The following KIF13A variants were observed in gnomAD, a reference collection of about 807,000 sequenced individuals.
KIF13A encodes the protein kinesin family member 13A, also known as kinesin-like protein KIF13A.
Under a neutral mutation model 212.2 loss-of-function variants are expected in KIF13A, and 79 were observed. The observed-to-expected ratio is 0.37, with a 90% CI of 0.31 to 0.45. KIF13A has a LOEUF of 0.45. Among genes scored for constraint, KIF13A ranks in the 20% least tolerant of loss-of-function variants. The pLI, the probability that KIF13A is intolerant of heterozygous loss-of-function variation, is 1.00. For missense variants in KIF13A, 1,901 were observed against 2,209.0 expected (o/e 0.86, Z 2.79); for synonymous variants, 789 against 808.6 (o/e 0.98, Z 0.41).
In KIF13A at chr6:17,836,976, C is replaced by T. The variant is rs1301169091; in HGVS notation, c.1057G>A (p.Val353Met). Residue 353 changes from valine (V) to methionine (M), a missense_variant, in exon 11 of 39, where the codon GTG (valine) becomes ATG (methionine). This residue lies in a region of KIF13A where 506 missense variants were observed against 637.4 expected (regional missense o/e 0.79). Transcript: ENST00000259711. ...TCCTCATTCACAACAGCATGGTTCA[C>T]AATCCTTTTGGCTCGGTCTGCATAT... ...LRYADRAKRI[V>M]NHAVVNEDPN... 3.7e-6 allele frequency: 6 copies of T among 1,613,948 alleles called. No individual in the cohort carries two copies. The highest frequency in any genetic ancestry group is 5.1e-6 in the Non-Finnish European group (6 of 1,179,882).
At chr6:17,965,338 C>T (rs1779209818) in intron 2 of KIF13A, among the ~76,000 whole-genome samples, 1 of 152,100 alleles carries the variant, frequency 6.6e-6, no homozygotes, top group African/African-American at 2.4e-5. Context: ...TACAAACCAT[C>T]TAGAACTTTA....
At chr6:17,760,991 AG>A, downstream of KIF13A, 1 of 959,818 alleles carries the variant, frequency 1.0e-6, no homozygotes, top group Non-Finnish European at 1.6e-6. Flanking sequence ...CTCTTCCTGA[AG>A]GGACCCACAG....
intron 2 of KIF13A, among the ~76,000 whole-genome samples, chr6:17,929,059 C>CAAAAAAAAAAAAAAAAA (rs375511285): frequency 2.7e-5 from 1 of 36,696 alleles, no homozygotes; most frequent in African/African-American, 7.6e-5. Context: ...AAGAATTTCT[C>CAAAAAAAAAAAAAAAAA]AAAAAAAAAA....
Position 17,825,865 on chromosome 6 carries a change from C to T in KIF13A, c.1689G>A (p.Glu563=), listed in dbSNP as rs1369717740. The T allele has an allele frequency of 1.2e-6, 2 of 1,613,870 alleles. No homozygotes were observed. The highest frequency in any genetic ancestry group is 1.7e-6 in the Non-Finnish European group (2 of 1,179,872). ...KDFEKETGPP[E]HDLDAASEAS... ...CCTCACTGGCTGCATCCAGGTCATG[C>T]TCTGGCGGGCCCGTTTCTTTTTCAA... The change falls in exon 16 of 39, where the codon GAG becomes GAA. Residue 563 remains glutamate (E), a synonymous_variant. Transcript: ENST00000259711. This position sits in a 1 kb window ranked among gnomAD's most constrained non-coding sequence, Gnocchi z 4.5.
chr6:17,970,193 A>G (rs1779689149), intron 2 of KIF13A, among the ~76,000 whole-genome samples: 1 of 151,514 alleles, frequency 6.6e-6, no homozygotes, highest in Non-Finnish European at 1.5e-5. Flanking sequence ...AAGTGCTGGG[A>G]TTACAGGCGT....
rs562254374 is a variant in KIF13A at position 17,971,536 on chromosome 6, T to C, written c.146+15518A>G. ...TTCTGCATTCAAGTGATCCTCCCAT[T>C]TCAGCCCTGCAAGTAGCTGGGACTA... On this transcript the variant is annotated intron_variant, in intron 2 of 38. Coordinates refer to ENST00000259711, the MANE Select transcript of KIF13A (RefSeq NM_022113.6). This position sits in a 1 kb window ranked among gnomAD's most constrained non-coding sequence, Gnocchi z 4.2. Among the ~76,000 whole-genome samples the C allele has an allele frequency of 3.3e-4, 50 of 152,090 alleles. No homozygotes were observed. Among genetic ancestry groups the C allele is most frequent in the African/African-American group, 1.1e-3 (46 of 41,500 alleles).
chr6:17,825,277 A>T lies in KIF13A; in HGVS notation c.1786+491T>A, dbSNP rs1035737700. 1.5e-4 allele frequency among the ~76,000 whole-genome samples: 23 copies of T among 152,222 alleles called. No individual in the cohort carries two copies. The highest frequency in any genetic ancestry group is 5.3e-4 in the African/African-American group (22 of 41,466). On this transcript the variant is annotated intron_variant, in intron 16 of 38. Coordinates refer to ENST00000259711, the MANE Select transcript of KIF13A (RefSeq NM_022113.6). This position sits in a 1 kb window ranked among gnomAD's most constrained non-coding sequence, Gnocchi z 4.5. ...TATAAAGCATTTCATTTTCACTATC[A>T]TTTTTGTAAAAGTGATCTGGGCTTA...
intron 2 of KIF13A, among the ~76,000 whole-genome samples, chr6:17,946,154 CT>C (rs1269651547): frequency 1.3e-5 from 2 of 152,084 alleles, no homozygotes; most frequent in Admixed American, 6.6e-5. Flanking sequence ...TGAAGTCTTG[CT>C]TTGTTGCCAA....
At chr6:17,965,319 A>G (rs1333530307) in intron 2 of KIF13A, among the ~76,000 whole-genome samples, 1 of 152,180 alleles carries the variant, frequency 6.6e-6, no homozygotes, top group East Asian at 1.9e-4. Context: ...CCATACAACC[A>G]TCTAGCCATA....
chr6:17,951,576 C>T lies in KIF13A; in HGVS notation c.146+35478G>A, dbSNP rs574338837. The T allele has an allele frequency of 1.9e-5, 8 of 417,270 alleles. No individual in the cohort carries two copies. The highest frequency in any genetic ancestry group is 3.4e-5 in the Non-Finnish European group (8 of 235,642). 25.8% of individuals were successfully genotyped at this position (417,270 alleles called of 1,614,324 possible). On this transcript the variant is annotated intron_variant, in intron 2 of 38. Coordinates refer to ENST00000259711, the MANE Select transcript of KIF13A (RefSeq NM_022113.6). The surrounding 1 kb of genome is among the most constrained non-coding windows in gnomAD (Gnocchi z 4.9). Reference sequence around the variant, plus strand: ...CACAACTGCAGAACATTCTCAATACCCCCCTCAAAAAATGCCATATCCATC... The same window carrying T: ...CACAACTGCAGAACATTCTCAATACTCCCCTCAAAAAATGCCATATCCATC...
In KIF13A at chr6:17,915,961, AAAAT is replaced by A. The variant is rs371660912; in HGVS notation, c.147-17785_147-17782del. Among the ~76,000 whole-genome samples, 2,001 of 130,890 alleles carry A rather than the reference AAAAT, an allele frequency of 0.015. 44 individuals are homozygous for A. The highest frequency in any genetic ancestry group is 0.057 in the African/African-American group (1,836 of 32,102). The allele number at this position is 130,890 out of a possible 152,430, so 85.9% of individuals were successfully genotyped here. On this transcript the variant is annotated intron_variant, in intron 2 of 38. Transcript: ENST00000259711. The surrounding 1 kb of genome is among the most constrained non-coding windows in gnomAD (Gnocchi z 4.4). ...CAAAAAAAAAAATAAAAATAAAAAT[AAAAT>A]AAAATAAAATAAATTACAGTTCAAA...
downstream of KIF13A, among the ~76,000 whole-genome samples, chr6:17,763,500 A>G (rs1758690772): frequency 6.7e-6 from 1 of 149,950 alleles, no homozygotes; most frequent in African/African-American, 2.5e-5. Context: ...AAAAAAGAAA[A>G]AAGAAAATTA....
At position 17,850,191 on chromosome 6, in the gene KIF13A, T is replaced by C; in HGVS notation, c.717+132A>G. On this transcript the variant is annotated intron_variant, in intron 8 of 38. Coordinates refer to ENST00000259711, the MANE Select transcript of KIF13A (RefSeq NM_022113.6). The surrounding 1 kb of genome is among the most constrained non-coding windows in gnomAD (Gnocchi z 6.2). Reference sequence around the variant, plus strand: ...CTAACAAATTAAATGATAAGCAAAGTAGCTCACCTAGTAAGCAGAAGAGCC... The same window carrying C: ...CTAACAAATTAAATGATAAGCAAAGCAGCTCACCTAGTAAGCAGAAGAGCC... 3.6e-6 allele frequency: 3 copies of C among 828,848 alleles called. No individual in the cohort carries two copies. Among genetic ancestry groups the C allele is most frequent in the Non-Finnish European group, 3.5e-6 (2 of 567,048 alleles). 51.3% of individuals were successfully genotyped at this position (828,848 alleles called of 1,614,324 possible).
At position 17,787,426 on chromosome 6, in the gene KIF13A, G is replaced by C. The variant is rs1761151781; in HGVS notation, c.3361+350C>G. Among the ~76,000 whole-genome samples the C allele has an allele frequency of 6.6e-6, 1 of 152,176 alleles. No homozygotes were observed. Among genetic ancestry groups the C allele is most frequent in the South Asian group, 2.1e-4 (1 of 4,826 alleles). ...CCAGCAGTTTGGGAGGCTGAAGTGG[G>C]AGGATCACTTGAGTCCGGGAGTTTG... On this transcript the variant is annotated intron_variant, in intron 27 of 38. Coordinates refer to ENST00000259711, the MANE Select transcript of KIF13A (RefSeq NM_022113.6). The surrounding 1 kb of genome is among the most constrained non-coding windows in gnomAD (Gnocchi z 4.6).
intron 2 of KIF13A, among the ~76,000 whole-genome samples, chr6:17,966,488 A>T (rs559341600): frequency 7.2e-6 from 1 of 138,492 alleles, no homozygotes; most frequent in Non-Finnish European, 1.6e-5. Flanking sequence ...TTCTTTCAAA[A>T]GTTCTGAAAA....
intron 2 of KIF13A, among the ~76,000 whole-genome samples, chr6:17,903,270 T>C (rs1175709560): frequency 6.6e-5 from 10 of 152,252 alleles, no homozygotes; most frequent in Non-Finnish European, 1.5e-4. Context: ...TCTCCTTGCA[T>C]ATTCAATGCA....
chr6:17,800,150 A>G (rs1762360462), intron 20 of KIF13A, 37 bp from the exon 21 acceptor site: 1 of 1,597,170 alleles, frequency 6.3e-7, no homozygotes, highest in African/African-American at 1.3e-5. Context: ...GAGTGAACAG[A>G]CATCCTGTGG....
chr6:17,987,073 TAGA>T lies in KIF13A; in HGVS notation c.124_126del (p.Ser42del), dbSNP rs1781628946. 6.2e-7 allele frequency: 1 copy of T among 1,613,258 alleles called. No homozygotes were observed. On this transcript the variant is annotated inframe_deletion, in exon 2 of 39. Transcript: ENST00000259711. The surrounding 1 kb of genome is among the most constrained non-coding windows in gnomAD (Gnocchi z 7.7). The stretch of plus-strand genomic sequence containing the variant: ...CTTTACCTTTCTCCCTGTTTGGTGT[TAGA>T]AGGAGGAGGGTGCAGGACCGTTTGA...
In KIF13A at chr6:17,796,814, C is replaced by T. The variant is rs1188385719; in HGVS notation, c.2797G>A (p.Val933Met). Residue 933 changes from valine to methionine, a missense_variant, in exon 23 of 39, where the codon GTG becomes ATG. This residue lies in a region of KIF13A where 534 missense variants were observed against 536.9 expected (regional missense o/e 0.99). Transcript: ENST00000259711. ...TVTFSHCKDY[V>M]VNVTEEFLEF... ...AGAAATTCTTCTGTTACATTCACCA[C>T]ATAGTCCTGGGATAAGTGGGGGAAA... The T allele has an allele frequency of 1.2e-5, 18 of 1,546,418 alleles. No homozygotes were observed. The highest frequency in any genetic ancestry group is 1.6e-5 in the Non-Finnish European group (18 of 1,143,664).
Sources: gnomAD v4.1 joint callset for allele counts (sites outside exome capture counted in the v4.1 genomes callset) on GRCh38, gnomAD v4.1.1 for gene constraint, gnomAD v4.1.1 regional missense constraint, Gnocchi (gnomAD v3.1) non-coding constraint, MANE v1.5 for transcripts, NCBI Gene and HGNC (gene_info 2026-07-23, HGNC 2026-07-21) for gene names.